The following PPP1R21 variants were observed in gnomAD, a reference collection of about 807,000 sequenced individuals.
PPP1R21 encodes KLRAQ motif containing 1.
A neutral mutation model predicts 112.8 loss-of-function variants in PPP1R21; 85 were observed. The observed-to-expected ratio is 0.75, with a 90% confidence interval of 0.63 to 0.90. The LOEUF (loss-of-function observed/expected upper bound fraction) is 0.90. PPP1R21 is among the 40% of genes least tolerant of loss of function. PPP1R21 has a pLI of 0.00. For synonymous variants in PPP1R21, 381 were observed against 322.3 expected (o/e 1.18, Z -1.95); for missense variants, 1,199 against 901.5 (o/e 1.33, Z -4.23).
chr2:48,493,535 G>A (rs1340054078), intron 15 of PPP1R21, among the ~76,000 whole-genome samples: 1 of 152,062 alleles, frequency 6.6e-6, no homozygotes. Flanking sequence ...TTTTCTTCCA[G>A]CATTTTTACA....
intron 13 of PPP1R21, among the ~76,000 whole-genome samples, chr2:48,485,680 T>C (rs547363485): frequency 6.6e-6 from 1 of 151,766 alleles, no homozygotes; most frequent in East Asian, 1.9e-4. Context: ...TAAAACATCA[T>C]GATCACTTCA....
At chr2:48,466,061 C>T (rs1376548883) in intron 9 of PPP1R21, among the ~76,000 whole-genome samples, 2 of 152,124 alleles carry the variant, frequency 1.3e-5, no homozygotes, top group Non-Finnish European at 2.9e-5. Flanking sequence ...TCTCGTGAGA[C>T]CCATTCACTA....
At chr2:48,504,486 A>C (rs1670280129) in intron 17 of PPP1R21, among the ~76,000 whole-genome samples, 1 of 152,108 alleles carries the variant, frequency 6.6e-6, no homozygotes, top group Admixed American at 6.5e-5. Context: ...CTAAAGATAC[A>C]AAAAATTAGC....
intron 16 of PPP1R21, 97 bp from the exon 17 acceptor site, chr2:48,498,396 T>TG (rs1215629951): frequency 3.5e-6 from 4 of 1,149,892 alleles, no homozygotes; most frequent in Non-Finnish European, 5.0e-6. Flanking sequence ...TTTACCTCTG[T>TG]GGGGTAGTTT....
intron 1 of PPP1R21, among the ~76,000 whole-genome samples, chr2:48,447,597 CAG>C (rs1667302916): frequency 6.6e-6 from 1 of 152,164 alleles, no homozygotes; most frequent in Admixed American, 6.5e-5. Context: ...AAAACAAAAA[CAG>C]TGTTCATTTG....
rs776167591 is a variant in PPP1R21 at position 48,493,929 on chromosome 2, GA to G, written c.1600-1746del. Among the ~76,000 whole-genome samples the G allele has an allele frequency of 1.5e-4, 23 of 151,944 alleles. No individual in the cohort carries two copies. In the East Asian group the frequency reaches 1.9e-3, roughly 13 times the overall value. ...CGTCCTGATAAGCCCATTGTATGTT[GA>G]AAATGTTGCAGCCGGGTGCAGTGGC... On this transcript the variant is annotated intron_variant, in intron 15 of 21. Coordinates refer to ENST00000294952, the MANE Select transcript of PPP1R21 (RefSeq NM_001135629.3).
intron 21 of PPP1R21, 117 bp downstream of exon 21, chr2:48,511,585 G>A: frequency 7.8e-7 from 1 of 1,282,890 alleles, no homozygotes; most frequent in Non-Finnish European, 1.1e-6. Flanking sequence ...GTAAGGGCCA[G>A]GGGCAGTGGC....
intron 15 of PPP1R21, among the ~76,000 whole-genome samples, chr2:48,493,695 A>G (rs1295705398): frequency 2.6e-5 from 4 of 152,236 alleles, no homozygotes; most frequent in Middle Eastern, 3.4e-3. Context: ...TTTTTTTTCA[A>G]TAATTAGCTG....
chr2:48,443,871 A>G (rs1245170200), intron 1 of PPP1R21, among the ~76,000 whole-genome samples: 2 of 152,220 alleles, frequency 1.3e-5, no homozygotes, highest in Non-Finnish European at 1.5e-5. Flanking sequence ...TTAGGATACA[A>G]AGGAAAAAGG....
chr2:48,484,124 T>C (rs527885081), intron 13 of PPP1R21, among the ~76,000 whole-genome samples: 1 of 152,298 alleles, frequency 6.6e-6, no homozygotes, highest in East Asian at 1.9e-4. Context: ...GCATACTTTT[T>C]CCCCAAGATA....
In PPP1R21 at chr2:48,457,093, T is replaced by G. The variant is rs537677852; in HGVS notation, c.274-1033T>G. 2.6e-5 allele frequency among the ~76,000 whole-genome samples: 4 copies of G among 152,056 alleles called. No individual in the cohort carries two copies. In the South Asian group the frequency reaches 8.3e-4, roughly 32 times the overall value. ...ATGCCCTGGAAATTCTGAAAGACCC[T>G]TGGGGAGAGAATAGTCATCTGAACT... On this transcript the variant is annotated intron_variant, in intron 3 of 21. Transcript: ENST00000294952.
At chr2:48,455,432 C>T (rs1378261948) in intron 3 of PPP1R21, among the ~76,000 whole-genome samples, 3 of 150,296 alleles carry the variant, frequency 2.0e-5, no homozygotes, top group African/African-American at 4.9e-5. Context: ...CCTGAGCCAC[C>T]GTGCCTGGCC....
At chr2:48,484,540 T>C (rs1669187327) in intron 13 of PPP1R21, among the ~76,000 whole-genome samples, 1 of 146,290 alleles carries the variant, frequency 6.8e-6, no homozygotes, top group Non-Finnish European at 1.5e-5. Flanking sequence ...TTTTCTGGAC[T>C]GATTCTTGCT....
Position 48,453,356 on chromosome 2 carries a change from T to C in PPP1R21, c.127-1239T>C, listed in dbSNP as rs541775028. Among the ~76,000 whole-genome samples the C allele has an allele frequency of 3.9e-5, 6 of 152,348 alleles. No homozygotes were observed. The South Asian group carries it at 1.0e-3, about 26-fold the overall frequency. On this transcript the variant is annotated intron_variant, in intron 2 of 21. Coordinates refer to ENST00000294952, the MANE Select transcript of PPP1R21 (RefSeq NM_001135629.3). ...ATTAGTAAACATACAGTTATTTTTT[T>C]ATTTTCTATTTTTTTAAATAGAGAT...
intron 11 of PPP1R21, 159 bp downstream of exon 11, chr2:48,471,526 C>A (rs1668495637): frequency 1.5e-6 from 1 of 673,824 alleles, no homozygotes; most frequent in Non-Finnish European, 2.4e-6. Context: ...CATGGTTGAG[C>A]AGCATTAACT....
chr2:48,478,705 C>T (rs1055202936), intron 12 of PPP1R21, among the ~76,000 whole-genome samples: 4 of 152,196 alleles, frequency 2.6e-5, no homozygotes, highest in African/African-American at 9.6e-5. Flanking sequence ...GAGGGCTCTT[C>T]TTAGCTATTT....
At chr2:48,448,410 A>G (rs182615379) in intron 1 of PPP1R21, among the ~76,000 whole-genome samples, 74 of 152,326 alleles carry the variant, frequency 4.9e-4, no homozygotes, top group Admixed American at 3.8e-3. Context: ...GAAATGAAAG[A>G]TGAGGTTTTT....
rs774147710 is a variant in PPP1R21 at position 48,486,742 on chromosome 2, C to G, written c.1430C>G (p.Thr477Arg). The G allele has an allele frequency of 1.2e-6, 2 of 1,612,866 alleles. No homozygotes were observed. The highest frequency in any genetic ancestry group is 2.7e-5 in the African/African-American group (2 of 74,852). The change falls in exon 14 of 22, where the codon ACA becomes AGA. Residue 477 changes from threonine (T) to arginine (R), a missense_variant. Thr to Arg is a moderately conservative substitution (Grantham distance 71). Transcript: ENST00000294952. ...DCILSSVVAL[T>R]NGAGKIASFF... ...ATCCTGTCATCAGTAGTGGCATTAA[C>G]AAATGGAGCAGGAAAGGTAATTCTC...
chr2:48,440,993 G>T lies in PPP1R21; in HGVS notation c.40G>T (p.Ala14Ser), dbSNP rs770557645. The change falls in exon 1 of 22, where the codon GCT becomes TCT. Residue 14 changes from alanine (A) to serine (S), a missense_variant. Transcript: ENST00000294952. ...AELQGKYQKLAQEYSKLRAQN... is the reference protein window; with the variant it reads ...AELQGKYQKLSQEYSKLRAQN... ...GTTGCAGGGGAAGTACCAGAAGCTG[G>T]CTCAGGAGTACTCGAAGGTACCCAT... The T allele has an allele frequency of 2.5e-6, 4 of 1,611,072 alleles. No homozygotes were observed. Among genetic ancestry groups the T allele is most frequent in the Non-Finnish European group, 2.5e-6 (3 of 1,177,800 alleles).
Sources: gnomAD v4.1 joint callset for allele counts (sites outside exome capture counted in the v4.1 genomes callset) on GRCh38, gnomAD v4.1.1 for gene constraint, MANE v1.5 for transcripts, NCBI Gene and HGNC (gene_info 2026-07-23, HGNC 2026-07-21) for gene names.